Variants in SLC11A1 observed in about 807,000 individuals in gnomAD.
SLC11A1 encodes the protein solute carrier family 11 member 1.
In SLC11A1, 59 loss-of-function variants were observed where a neutral mutation model predicts 63.2. The observed-to-expected ratio is 0.93, with a 90% CI of 0.76 to 1.16. SLC11A1 has a LOEUF of 1.16. Among genes scored for constraint, SLC11A1 ranks in the 50% most tolerant of loss-of-function variants. The pLI is 0.00. For missense variants in SLC11A1, 688 were observed against 730.7 expected (o/e 0.94, Z 0.67); for synonymous variants, 305 against 307.8 (o/e 0.99, Z 0.09).
rs748852511 is a variant in SLC11A1, at chr2:218,383,103, G to A, written c.150+1G>A. On this transcript the variant is annotated splice_donor_variant, in intron 2 of 14. Coordinates refer to ENST00000233202, the MANE Select transcript of SLC11A1 (RefSeq NM_000578.4). LOFTEE classifies it high-confidence loss of function. ...GATCCCCATCCCAGACACAAAACCGGTGGGATGCTGGAAACTTCCTGGGGG... is the reference window on the plus strand; with the variant it reads ...GATCCCCATCCCAGACACAAAACCGATGGGATGCTGGAAACTTCCTGGGGG... The A allele has an allele frequency of 1.2e-6, 2 of 1,613,486 alleles. No individual in the cohort carries two copies. Among genetic ancestry groups the A allele is most frequent in the Admixed American group, 1.7e-5 (1 of 59,880 alleles).
At chr2:218,387,098 G>A in intron 5 of SLC11A1, 62 bp from the exon 6 acceptor site, 1 of 1,473,186 alleles carries the variant, frequency 6.8e-7, no homozygotes, top group African/African-American at 1.4e-5. Context: ...CAGCCCTGAG[G>A]CTCCGTAGGA....
chr2:218,395,301 A>G lies in SLC11A1; in HGVS notation c.*266A>G. The G allele has an allele frequency of 6.7e-6, 3 of 448,964 alleles. No individual in the cohort carries two copies. The highest frequency in any genetic ancestry group is 1.2e-5 in the Non-Finnish European group (3 of 248,152). The allele number at this position is 448,964 out of a possible 1,614,324, so 27.8% of individuals were successfully genotyped here. ...GTGTCTGGCACTTGGGACAAAAACA[A>G]ACAAACGAAAAACATTTCAAAAGGT... On this transcript the variant is annotated 3_prime_UTR_variant, in exon 15 of 15. Coordinates refer to ENST00000233202, the MANE Select transcript of SLC11A1 (RefSeq NM_000578.4).
At chr2:218,390,887 A>G (rs868509375) in intron 9 of SLC11A1, among the ~76,000 whole-genome samples, 1 of 148,584 alleles carries the variant, frequency 6.7e-6, no homozygotes, top group African/African-American at 2.5e-5. Context: ...CACATTAAAG[A>G]AAAAAAAAAC....
intron 8 of SLC11A1, 194 bp downstream of exon 8, chr2:218,388,149 C>A: frequency 1.6e-6 from 1 of 630,438 alleles, no homozygotes; most frequent in Non-Finnish European, 2.7e-6. Context: ...GCGGGCGGAT[C>A]ACGAGGTCAA....
intron 1 of SLC11A1, 27 bp downstream of exon 1, chr2:218,382,402 C>T (rs758656216): frequency 3.1e-6 from 5 of 1,612,642 alleles, no homozygotes; most frequent in Middle Eastern, 1.7e-4. Flanking sequence ...AGGGACAGAG[C>T]CTGATTGGGG....
chr2:218,387,218 C>T lies in SLC11A1; in HGVS notation c.559C>T (p.Leu187Phe). ...TIVDTFFFLF[L>F]DNYGLRKLEA... ...CGTGGACACCTTCTTCTTCCTCTTC[C>T]TCGATAACTACGGTGGGTGCACACC... Residue 187 changes from leucine (L) to phenylalanine (F), a missense_variant, in exon 6 of 15, where the codon CTC (leucine) becomes TTC (phenylalanine). Transcript: ENST00000233202. 6.2e-7 allele frequency: 1 copy of T among 1,613,632 alleles called. No individual in the cohort carries two copies. The highest frequency in any genetic ancestry group is 8.5e-7 in the Non-Finnish European group (1 of 1,179,734).
In SLC11A1 at chr2:218,384,055, C is replaced by T. The variant is rs1695942397; in HGVS notation, c.151-188C>T. On this transcript the variant is annotated intron_variant, in intron 2 of 14. Coordinates refer to ENST00000233202, the MANE Select transcript of SLC11A1 (RefSeq NM_000578.4). This position sits in a 1 kb window ranked among gnomAD's most constrained non-coding sequence, Gnocchi z 4.0. ...ATCCAGAAAAAGATCCTCTGTGACT[C>T]ATCAGAGCATGCTGCTTCCTCCACC... The T allele has an allele frequency of 2.1e-6, 1 of 477,486 alleles. No homozygotes were observed. Among genetic ancestry groups the T allele is most frequent in the Non-Finnish European group, 3.6e-6 (1 of 274,804 alleles). 29.6% of individuals were successfully genotyped at this position (477,486 alleles called of 1,614,324 possible).
At position 218,395,461 on chromosome 2, in the gene SLC11A1, C is replaced by CTATT. The variant is rs201919632; in HGVS notation, c.*440_*443dup. The CTATT allele has an allele frequency of 2.2e-4, 36 of 163,704 alleles. No homozygotes were observed. Among genetic ancestry groups the CTATT allele is most frequent in the Non-Finnish European group, 3.2e-4 (24 of 74,744 alleles). The allele number at this position is 163,704 out of a possible 1,614,324, so 10.1% of individuals were successfully genotyped here. On this transcript the variant is annotated 3_prime_UTR_variant, in exon 15 of 15. Transcript: ENST00000233202. ...GATGAATGTTAAATTATCTATCTAT[C>CTATT]TATTTATTTATTTATTTGAGACAGG... is the stretch of plus-strand genomic sequence containing the variant.
rs750851166 is a variant in SLC11A1, at chr2:218,387,892, G to A, written c.732G>A (p.Ala244=). The A allele has an allele frequency of 1.2e-6, 2 of 1,605,450 alleles. No individual in the cohort carries two copies. The highest frequency in any genetic ancestry group is 1.7e-5 in the Admixed American group (1 of 58,058). The change falls in exon 8 of 15, where the codon GCG becomes GCA. Residue 244 remains alanine, a synonymous_variant. Coordinates refer to ENST00000233202, the MANE Select transcript of SLC11A1 (RefSeq NM_000578.4). The stretch of plus-strand genomic sequence containing the variant: ...GCGGCCACCCCGAGCTGCTGCAGGC[G>A]GTGGGCATTGTTGGCGCCATCATCA... ...PGCGHPELLQ[A]VGIVGAIIMP...
chr2:218,388,064 G>A lies in SLC11A1; in HGVS notation c.795+109G>A, dbSNP rs540476260. 2.5e-4 allele frequency: 333 copies of A among 1,320,252 alleles called. 1 individual carries two copies. In the African/African-American group the frequency reaches 4.0e-3, roughly 16 times the overall value. The allele number at this position is 1,320,252 out of a possible 1,614,324, so 81.8% of individuals were successfully genotyped here. A position where few individuals can be genotyped will look rare whatever the true frequency, so the allele number is the denominator to read the frequency against. ...TCTGGCTCCTTCCCTCAGGATTTGC[G>A]GAGCCTGTAATAATTGAGGGACAGG... On this transcript the variant is annotated intron_variant, in intron 8 of 14. Coordinates refer to ENST00000233202, the MANE Select transcript of SLC11A1 (RefSeq NM_000578.4).
intron 8 of SLC11A1, chr2:218,388,521 C>G (rs907393634): frequency 6.5e-6 from 1 of 152,724 alleles, no homozygotes; most frequent in Non-Finnish European, 1.5e-5. Flanking sequence ...AGGCCGGGCG[C>G]AGTGGCTCAC....
In SLC11A1 at chr2:218,387,971, G is replaced by A. The variant is rs1437700740; in HGVS notation, c.795+16G>A. ...CCTGGTCAAGGTGAGCAGAGGGGAG[G>A]GGAAAGGAGACCCCCTCACTCAGTC... On this transcript the variant is annotated intron_variant, in intron 8 of 14. Transcript: ENST00000233202. 6 of 1,584,608 alleles carry A rather than the reference G, an allele frequency of 3.8e-6. No homozygotes were observed. Among genetic ancestry groups the A allele is most frequent in the East Asian group, 4.5e-5 (2 of 44,400 alleles).
At chr2:218,393,683 G>A (rs954580989) in intron 12 of SLC11A1, among the ~76,000 whole-genome samples, 5 of 151,782 alleles carry the variant, frequency 3.3e-5, no homozygotes, top group African/African-American at 1.2e-4. Flanking sequence ...TCATCATGTT[G>A]GCCAGGCTAG....
intron 2 of SLC11A1, 67 bp downstream of exon 2, chr2:218,383,169 G>A: frequency 6.4e-7 from 1 of 1,558,414 alleles, no homozygotes; most frequent in Non-Finnish European, 8.7e-7. Context: ...CCATGGGCTG[G>A]AGAATGGGGT....
chr2:218,383,260 C>A, intron 2 of SLC11A1, 158 bp downstream of exon 2: 1 of 720,142 alleles, frequency 1.4e-6, no homozygotes, highest in Non-Finnish European at 2.3e-6. Flanking sequence ...TTCCTGCTTC[C>A]GTCCCCAGTG....
rs1352926123 is a variant in SLC11A1 at position 218,394,139 on chromosome 2, C to G, written c.1334C>G (p.Pro445Arg). 1 of 1,614,024 alleles carries G rather than the reference C, an allele frequency of 6.2e-7. No individual in the cohort carries two copies. Among genetic ancestry groups the G allele is most frequent in the Admixed American group, 1.7e-5 (1 of 59,998 alleles). Residue 445 changes from proline to arginine, a missense_variant, in exon 13 of 15, where the codon CCC (proline) becomes CGC (arginine). By Grantham distance (103) the Pro-to-Arg change is moderately radical. Transcript: ENST00000233202. ...CCCCAGCTCCCGTTCGCCGTGCTGC[C>G]CATCCTCACGTTCACCAGCATGCCC... ...QSLLLPFAVL[P>R]ILTFTSMPTL... is the part of the protein sequence containing the mutation.
chr2:218,391,052 C>T lies in SLC11A1; in HGVS notation c.955-146C>T, dbSNP rs1288717103. ...AAAAGTAAAACAAAACAAAACCCAA[C>T]TTATTTTGTTAGCCAAACAAAATAT... On this transcript the variant is annotated intron_variant, in intron 9 of 14. Coordinates refer to ENST00000233202, the MANE Select transcript of SLC11A1 (RefSeq NM_000578.4). 4.4e-5 allele frequency: 30 copies of T among 677,608 alleles called. No homozygotes were observed. The South Asian group carries it at 5.2e-4, about 12-fold the overall frequency. 42.0% of individuals were successfully genotyped at this position (677,608 alleles called of 1,614,324 possible). A position where few individuals can be genotyped will look rare whatever the true frequency, so the allele number is the denominator to read the frequency against.
intron 2 of SLC11A1, 145 bp downstream of exon 2, chr2:218,383,247 C>A: frequency 1.2e-6 from 1 of 829,850 alleles, no homozygotes; most frequent in Non-Finnish European, 1.8e-6. Context: ...TGGCAACTGC[C>A]CCTTCCTGCT....
chr2:218,391,687 C>T (rs1189124096), intron 11 of SLC11A1, 192 bp downstream of exon 11: 5 of 660,526 alleles, frequency 7.6e-6, no homozygotes, highest in Middle Eastern at 4.5e-4. Flanking sequence ...TGCAGTGGCG[C>T]GATCTCGGCT....
Sources: gnomAD v4.1 joint callset for allele counts (sites outside exome capture counted in the v4.1 genomes callset) on GRCh38, gnomAD v4.1.1 for gene constraint, Gnocchi (gnomAD v3.1) non-coding constraint, MANE v1.5 for transcripts, NCBI Gene and HGNC (gene_info 2026-07-23, HGNC 2026-07-21) for gene names.